The following PDE4D variants were observed in gnomAD, a reference collection of about 807,000 sequenced individuals.
The protein encoded by PDE4D is phosphodiesterase 4D.
A neutral mutation model predicts 87.4 loss-of-function variants in PDE4D; 24 were observed. The observed-to-expected ratio is 0.27, with a 90% CI of 0.20 to 0.39. The LOEUF is 0.39. Ranked by LOEUF, PDE4D falls within the 10% of genes least tolerant of loss-of-function variation. PDE4D has a pLI of 1.00. For synonymous variants in PDE4D, 384 were observed against 383.2 expected (o/e 1.00, Z -0.02); for missense variants, 714 against 1,041.0 (o/e 0.69, Z 4.32).
intron 5 of PDE4D, among the ~76,000 whole-genome samples, chr5:59,086,363 A>G (rs1031140424): frequency 2.0e-5 from 3 of 152,120 alleles, no homozygotes; most frequent in Non-Finnish European, 4.4e-5. Context: ...TTCAAAGAAT[A>G]CCTTCTCCAT....
At chr5:59,177,489 G>A (rs1321120877) in intron 5 of PDE4D, among the ~76,000 whole-genome samples, 1 of 152,210 alleles carries the variant, frequency 6.6e-6, no homozygotes, top group African/African-American at 2.4e-5. Flanking sequence ...AGGGCATCAT[G>A]CGTGTTCACT....
At position 59,691,488 on chromosome 5, in the gene PDE4D, C is replaced by T. The variant is rs1750912860; in HGVS notation, c.455+201680G>A. Among the ~76,000 whole-genome samples, 6 of 147,324 alleles carry T rather than the reference C, an allele frequency of 4.1e-5. No homozygotes were observed. In the South Asian group the frequency reaches 1.3e-3, roughly 32 times the overall value. On this transcript the variant is annotated intron_variant, in intron 1 of 14. Coordinates refer to ENST00000340635, the MANE Select transcript of PDE4D (RefSeq NM_001104631.2). Reference sequence around the variant, plus strand: ...TGCAAGGACAGAAAACCAAACACTGCATGTTCTCAATCATAGGTGGGAATT... The same window carrying T: ...TGCAAGGACAGAAAACCAAACACTGTATGTTCTCAATCATAGGTGGGAATT...
chr5:60,104,235 C>T (rs563122251), intron 2 of PDE4D, among the ~76,000 whole-genome samples: 51 of 152,354 alleles, frequency 3.3e-4, no homozygotes, highest in African/African-American at 1.1e-3. Context: ...GAGGGTCCTA[C>T]GCCCACAGAG....
intron 1 of PDE4D, among the ~76,000 whole-genome samples, chr5:59,379,631 A>C (rs902173871): frequency 4.6e-5 from 7 of 152,146 alleles, no homozygotes; most frequent in Non-Finnish European, 8.8e-5. Context: ...ATGGTTGACA[A>C]GATTCTATTG....
At chr5:59,120,572 C>A (rs930769711) in intron 5 of PDE4D, among the ~76,000 whole-genome samples, 9 of 145,108 alleles carry the variant, frequency 6.2e-5, no homozygotes, top group African/African-American at 2.4e-4. Context: ...TTCTTTCTCC[C>A]TTTCTCTTTA....
chr5:59,870,610 C>T (rs1351946889), intron 1 of PDE4D, among the ~76,000 whole-genome samples: 2 of 152,142 alleles, frequency 1.3e-5, no homozygotes, highest in African/African-American at 2.4e-5. Flanking sequence ...GGACTACTTA[C>T]CTTATTGATA....
intron 1 of PDE4D, among the ~76,000 whole-genome samples, chr5:60,502,487 A>C (rs566800429): frequency 0.013 from 2,049 of 151,906 alleles, 24 homozygotes; most frequent in South Asian, 0.027. Flanking sequence ...GCAATGCGGG[A>C]TCTTTTTTGG....
At chr5:60,037,640 G>A (rs1767957867) in intron 2 of PDE4D, among the ~76,000 whole-genome samples, 1 of 152,170 alleles carries the variant, frequency 6.6e-6, no homozygotes, top group Admixed American at 6.5e-5. Context: ...AGAGAAGACA[G>A]GTGATTCTAA....
intron 1 of PDE4D, among the ~76,000 whole-genome samples, chr5:60,353,814 T>C (rs1322883451): frequency 6.6e-6 from 1 of 152,208 alleles, no homozygotes; most frequent in African/African-American, 2.4e-5. Context: ...CAACACTATA[T>C]ATTGACCAGG....
At chr5:59,752,649 T>C (rs569939012) in intron 1 of PDE4D, among the ~76,000 whole-genome samples, 1 of 152,080 alleles carries the variant, frequency 6.6e-6, no homozygotes, top group Non-Finnish European at 1.5e-5. Context: ...AATTTTCACC[T>C]CATGGTGGAA....
chr5:60,031,608 A>G (rs758271030), intron 2 of PDE4D, among the ~76,000 whole-genome samples: 3 of 152,214 alleles, frequency 2.0e-5, no homozygotes, highest in African/African-American at 4.8e-5. Context: ...GAAGAATAAT[A>G]TGTTTACATA....
chr5:59,872,310 C>T (rs999428927), intron 1 of PDE4D, among the ~76,000 whole-genome samples: 1 of 149,052 alleles, frequency 6.7e-6, no homozygotes, highest in Non-Finnish European at 1.5e-5. Flanking sequence ...CAAGAGCACA[C>T]AGGCACACAC....
intron 5 of PDE4D, among the ~76,000 whole-genome samples, chr5:59,164,383 G>A (rs1781581115): frequency 6.6e-6 from 1 of 152,190 alleles, no homozygotes; most frequent in Admixed American, 6.5e-5. Flanking sequence ...AGAAAAAAAT[G>A]TTTATTCAAG....
chr5:60,400,927 C>A (rs561081599), intron 1 of PDE4D, among the ~76,000 whole-genome samples: 5 of 152,098 alleles, frequency 3.3e-5, no homozygotes, highest in Non-Finnish European at 5.9e-5. Flanking sequence ...TTGCTTCGTG[C>A]ACAAATTTCT....
At chr5:59,136,247 G>GT (rs1356601249) in intron 5 of PDE4D, among the ~76,000 whole-genome samples, 1 of 152,164 alleles carries the variant, frequency 6.6e-6, no homozygotes, top group East Asian at 1.9e-4. Context: ...GGGAAAATAT[G>GT]TTTTTTGTGA....
At chr5:60,336,591 C>T (rs1344488952) in intron 1 of PDE4D, among the ~76,000 whole-genome samples, 1 of 152,202 alleles carries the variant, frequency 6.6e-6, no homozygotes, top group African/African-American at 2.4e-5. Context: ...GTCTTCAAAG[C>T]AGGCTAGCAT....
intron 1 of PDE4D, among the ~76,000 whole-genome samples, chr5:60,264,230 C>T (rs1050500117): frequency 6.6e-6 from 1 of 152,166 alleles, no homozygotes; most frequent in African/African-American, 2.4e-5. Flanking sequence ...CTCACATTCT[C>T]CTCAAGCTCA....
intron 1 of PDE4D, among the ~76,000 whole-genome samples, chr5:60,341,161 A>G (rs1450016142): frequency 6.6e-6 from 1 of 152,094 alleles, no homozygotes; most frequent in Non-Finnish European, 1.5e-5. Flanking sequence ...ATTAATGTTC[A>G]TGCTTCAAAG....
intron 3 of PDE4D, among the ~76,000 whole-genome samples, chr5:59,920,973 C>A (rs1010604602): frequency 4.6e-5 from 7 of 152,154 alleles, no homozygotes; most frequent in East Asian, 3.9e-4. Flanking sequence ...ATGTAACAAA[C>A]CTGCACGTTG....
Sources: allele counts gnomAD v4.1 joint callset (sites outside exome capture counted in the v4.1 genomes callset), GRCh38; gene constraint gnomAD v4.1.1; transcripts MANE v1.5; gene names NCBI Gene and HGNC (gene_info 2026-07-23, HGNC 2026-07-21).